THSD7A: variants seen among roughly 807,000 people sequenced by gnomAD.
THSD7A encodes thrombospondin type-1 domain-containing protein 7A.
Under a neutral mutation model 231.3 loss-of-function variants are expected in THSD7A, and 96 were observed. The ratio of observed to expected loss-of-function variants is 0.41; its 90% CI spans 0.35 to 0.49. The LOEUF (loss-of-function observed/expected upper bound fraction) is 0.49. Among genes scored for constraint, THSD7A ranks in the 20% least tolerant of loss-of-function variants. THSD7A has a pLI of 0.05. For missense variants in THSD7A, 2,290 were observed against 2,070.2 expected (o/e 1.11, Z -2.06); for synonymous variants, 940 against 743.3 (o/e 1.26, Z -4.30).
chr7:11,741,395 C>A (rs1782108094), intron 1 of THSD7A, among the ~76,000 whole-genome samples: 1 of 151,836 alleles, frequency 6.6e-6, no homozygotes, highest in African/African-American at 2.4e-5. Flanking sequence ...ATTATCCTTC[C>A]TGCACTCTGC....
intron 1 of THSD7A, among the ~76,000 whole-genome samples, chr7:11,746,247 C>T (rs1355564089): frequency 6.6e-6 from 1 of 151,780 alleles, no homozygotes; most frequent in Non-Finnish European, 1.5e-5. Flanking sequence ...ATACAGAGTT[C>T]CCATATAGCC....
At chr7:11,462,210 G>T in intron 9 of THSD7A, 67 bp from the exon 10 acceptor site, 1 of 1,532,112 alleles carries the variant, frequency 6.5e-7, no homozygotes, top group Non-Finnish European at 8.9e-7. Flanking sequence ...ATACCAGTCT[G>T]TGTGAAGAAA....
intron 23 of THSD7A, among the ~76,000 whole-genome samples, chr7:11,387,392 C>A (rs1328233494): frequency 1.3e-5 from 2 of 152,114 alleles, no homozygotes; most frequent in Non-Finnish European, 2.9e-5. Flanking sequence ...TTTCCTTGAG[C>A]AGTGGTTTGT....
intron 6 of THSD7A, chr7:11,519,924 T>A (rs906485747): frequency 6.6e-6 from 1 of 152,210 alleles, no homozygotes; most frequent in African/African-American, 2.4e-5. Context: ...ATGGCCCTTC[T>A]GCTCTAGACA....
chr7:11,406,266 A>T lies in THSD7A; in HGVS notation c.4237+34T>A. The stretch of plus-strand genomic sequence containing the variant: ...CACGGCCCTTGTCCTAGGAAAAAAT[A>T]ATCAGAATATGAATTCTCCTTTGCC... On this transcript the variant is annotated intron_variant, in intron 22 of 27. Transcript: ENST00000423059. The surrounding 1 kb of genome is among the most constrained non-coding windows in gnomAD (Gnocchi z 4.7). The T allele has an allele frequency of 1.3e-6, 2 of 1,564,294 alleles. No homozygotes were observed. Among genetic ancestry groups the T allele is most frequent in the East Asian group, 2.3e-5 (1 of 44,360 alleles).
chr7:11,421,164 G>A (rs1292743545), intron 16 of THSD7A, among the ~76,000 whole-genome samples: 2 of 152,140 alleles, frequency 1.3e-5, no homozygotes, highest in Non-Finnish European at 2.9e-5. Context: ...TGAGATTTGG[G>A]AAGTGCCAGG....
In THSD7A at chr7:11,637,691, A is replaced by C. The variant is rs1428013389; in HGVS notation, c.191-730T>G. Among the ~76,000 whole-genome samples, 2 of 152,128 alleles carry C rather than the reference A, an allele frequency of 1.3e-5. No homozygotes were observed. Among genetic ancestry groups the C allele is most frequent in the African/African-American group, 2.4e-5 (1 of 41,446 alleles). On this transcript the variant is annotated intron_variant, in intron 1 of 27. Coordinates refer to ENST00000423059, the MANE Select transcript of THSD7A (RefSeq NM_015204.3). The surrounding 1 kb of genome is among the most constrained non-coding windows in gnomAD (Gnocchi z 4.2). Reference sequence around the variant, plus strand: ...TCATTGAGAGGTTATTTGGGGTCTTATTTATTTATTCATTTCTTAAACATG... The same window carrying C: ...TCATTGAGAGGTTATTTGGGGTCTTCTTTATTTATTCATTTCTTAAACATG...
intron 9 of THSD7A, among the ~76,000 whole-genome samples, chr7:11,469,237 G>C (rs1562634337): frequency 6.6e-6 from 1 of 152,106 alleles, no homozygotes; most frequent in East Asian, 1.9e-4. Context: ...TCACCTGGAG[G>C]ATGTTGATAC....
In THSD7A at chr7:11,435,921, T is replaced by C. The variant is rs1784619694; in HGVS notation, c.3065-6796A>G. Among the ~76,000 whole-genome samples, 9 of 152,088 alleles carry C rather than the reference T, an allele frequency of 5.9e-5. 1 individual carries two copies. The South Asian group carries it at 1.9e-3, about 32-fold the overall frequency. On this transcript the variant is annotated intron_variant, in intron 13 of 27. Transcript: ENST00000423059. ...GTACTGGGCCCTTAACCTGTGAAGT[T>C]TGGCCTAACTCCAGGTAGTTAGTGT...
chr7:11,475,816 CAT>C (rs1158036663), intron 7 of THSD7A, among the ~76,000 whole-genome samples: 1 of 150,652 alleles, frequency 6.6e-6, no homozygotes, highest in Non-Finnish European at 1.5e-5. Context: ...AAAAAAATGA[CAT>C]AATTTATTTC....
intron 7 of THSD7A, among the ~76,000 whole-genome samples, chr7:11,480,136 T>A (rs538155580): frequency 6.6e-6 from 1 of 152,338 alleles, no homozygotes; most frequent in African/African-American, 2.4e-5. Flanking sequence ...CAGCATGACT[T>A]GCTTATAATG....
At chr7:11,655,909 T>A (rs1782686025) in intron 1 of THSD7A, among the ~76,000 whole-genome samples, 1 of 151,894 alleles carries the variant, frequency 6.6e-6, no homozygotes, top group African/African-American at 2.4e-5. Flanking sequence ...CAAAATCACA[T>A]ATTGAAAACC....
At chr7:11,453,607 A>G (rs933467593) in intron 11 of THSD7A, among the ~76,000 whole-genome samples, 2 of 151,998 alleles carry the variant, frequency 1.3e-5, no homozygotes, top group Non-Finnish European at 2.9e-5. Flanking sequence ...GGTAGACCCT[A>G]GAAAATATTA....
intron 2 of THSD7A, among the ~76,000 whole-genome samples, chr7:11,622,368 A>G (rs1192443923): frequency 2.0e-5 from 3 of 152,082 alleles, no homozygotes; most frequent in Non-Finnish European, 2.9e-5. Context: ...TATTATTATT[A>G]ATAAAATTCA....
At chr7:11,604,845 A>G (rs376806318) in intron 2 of THSD7A, among the ~76,000 whole-genome samples, 4 of 152,080 alleles carry the variant, frequency 2.6e-5, no homozygotes, top group African/African-American at 9.7e-5. Context: ...TGCAGAAGTA[A>G]AGGCTGGAAT....
chr7:11,559,713 C>A (rs999555760), intron 4 of THSD7A, among the ~76,000 whole-genome samples: 1 of 151,854 alleles, frequency 6.6e-6, no homozygotes, highest in African/African-American at 2.4e-5. Context: ...TAACCACTAA[C>A]GGTCACATTA....
chr7:11,571,390 A>G (rs1790623193), intron 4 of THSD7A, among the ~76,000 whole-genome samples: 1 of 152,192 alleles, frequency 6.6e-6, no homozygotes, highest in Non-Finnish European at 1.5e-5. Context: ...GCTACTGCTG[A>G]ATTTCATCTC....
chr7:11,782,861 T>C (rs747477163), intron 1 of THSD7A, among the ~76,000 whole-genome samples: 43 of 152,190 alleles, frequency 2.8e-4, no homozygotes, highest in Admixed American at 7.9e-4. Flanking sequence ...TGAAAGTATA[T>C]ACATTTTCTA....
At chr7:11,660,934 G>A (rs1036617181) in intron 1 of THSD7A, among the ~76,000 whole-genome samples, 1 of 151,432 alleles carries the variant, frequency 6.6e-6, no homozygotes, top group African/African-American at 2.4e-5. Flanking sequence ...GACTCGAAGA[G>A]CCAAGATCTC....
Sources: gnomAD v4.1 joint callset for allele counts (sites outside exome capture counted in the v4.1 genomes callset) on GRCh38, gnomAD v4.1.1 for gene constraint, Gnocchi (gnomAD v3.1) non-coding constraint, MANE v1.5 for transcripts, NCBI Gene and HGNC (gene_info 2026-07-23, HGNC 2026-07-21) for gene names.